Variants in DNAH11 observed in about 807,000 individuals in gnomAD.
The protein encoded by DNAH11 is axonemal beta dynein heavy chain 11.
A neutral mutation model predicts 526.0 loss-of-function variants in DNAH11; 442 were observed. The ratio of observed to expected loss-of-function variants is 0.84; its 90% confidence interval spans 0.78 to 0.91. The LOEUF (loss-of-function observed/expected upper bound fraction) is 0.91, where lower values mean the gene tolerates loss of function less well. DNAH11 is among the 40% of genes least tolerant of loss of function. DNAH11 has a pLI of 0.00. For missense variants in DNAH11, 6,989 were observed against 5,448.7 expected, an observed-to-expected ratio of 1.28 and a Z score of -8.90; for synonymous variants, 2,461 against 1,935.9, an observed-to-expected ratio of 1.27 and a Z score of -7.12.
intron 63 of DNAH11, among the ~76,000 whole-genome samples, chr7:21,814,649 A>G (rs1306847240): frequency 6.6e-6 from 1 of 151,912 alleles, no homozygotes; most frequent in African/African-American, 2.4e-5. Context: ...TTTTAAAATA[A>G]TGTAATTGTA....
intron 52 of DNAH11, 143 bp downstream of exon 52, chr7:21,748,885 G>A (rs956968871): frequency 4.0e-6 from 3 of 752,426 alleles, no homozygotes; most frequent in Non-Finnish European, 5.9e-6. Flanking sequence ...CTTTAAAGCA[G>A]TAATTGACCT....
At chr7:21,809,788 A>T (rs1275572164) in intron 63 of DNAH11, among the ~76,000 whole-genome samples, 1 of 150,776 alleles carries the variant, frequency 6.6e-6, no homozygotes, top group African/African-American at 2.4e-5. Flanking sequence ...CTGGTCTCAA[A>T]CTCCTGACCT....
At chr7:21,713,827 TG>T (rs993808888) in intron 42 of DNAH11, among the ~76,000 whole-genome samples, 3 of 152,340 alleles carry the variant, frequency 2.0e-5, no homozygotes, top group Non-Finnish European at 2.9e-5. Flanking sequence ...GGATATGTTT[TG>T]GGGAAGGAGT....
intron 20 of DNAH11, among the ~76,000 whole-genome samples, chr7:21,608,988 G>C (rs527757385): frequency 6.6e-6 from 1 of 152,164 alleles, no homozygotes; most frequent in East Asian, 1.9e-4. Context: ...TTATTGTTCT[G>C]GGCTGGTATG....
intron 34 of DNAH11, among the ~76,000 whole-genome samples, chr7:21,688,883 A>G (rs74952561): frequency 1.4e-4 from 22 of 152,310 alleles, no homozygotes; most frequent in South Asian, 8.3e-4. Flanking sequence ...TAACATTTTT[A>G]TCAACAGGGC....
At chr7:21,633,125 A>G (rs1254556244) in intron 25 of DNAH11, among the ~76,000 whole-genome samples, 2 of 152,174 alleles carry the variant, frequency 1.3e-5, no homozygotes, top group African/African-American at 4.8e-5. Context: ...TATGGGAAAG[A>G]CCTGCCCCCA....
intron 8 of DNAH11, among the ~76,000 whole-genome samples, chr7:21,574,867 C>CGTTTTTTTTTTTTTTTTT (rs1784025643): frequency 2.3e-5 from 1 of 42,850 alleles, no homozygotes; most frequent in Non-Finnish European, 3.8e-5. Context: ...CTGCACTGGG[C>CGTTTTTTTTTTTTTTTTT]TTTTTTTTTT....
At chr7:21,675,773 G>T (rs1343175294) in intron 30 of DNAH11, among the ~76,000 whole-genome samples, 1 of 152,154 alleles carries the variant, frequency 6.6e-6, no homozygotes, top group Non-Finnish European at 1.5e-5. Context: ...ACAGATGTGG[G>T]CCTTGCTCCT....
chr7:21,572,674 A>G (rs1783940043), intron 8 of DNAH11, among the ~76,000 whole-genome samples: 1 of 152,212 alleles, frequency 6.6e-6, no homozygotes, highest in Non-Finnish European at 1.5e-5. Flanking sequence ...TATTGTTTAT[A>G]TTTGGCCAAA....
At chr7:21,717,952 G>A (rs760747239) in intron 43 of DNAH11, 27 bp downstream of exon 43, 34 of 1,594,404 alleles carry the variant, frequency 2.1e-5, no homozygotes, top group Admixed American at 6.8e-5. Flanking sequence ...GCCATTTAAC[G>A]TTCTAGTTCT....
intron 8 of DNAH11, among the ~76,000 whole-genome samples, chr7:21,578,034 A>C (rs1784167267): frequency 6.6e-6 from 1 of 152,170 alleles, no homozygotes; most frequent in South Asian, 2.1e-4. Context: ...AGGCCTCAGG[A>C]AACTTACAAT....
chr7:21,883,539 A>G (rs1784011075), intron 75 of DNAH11, among the ~76,000 whole-genome samples: 1 of 152,204 alleles, frequency 6.6e-6, no homozygotes, highest in Non-Finnish European at 1.5e-5. Context: ...AAATACTAGG[A>G]TTCTAAATAC....
Position 21,687,124 on chromosome 7 carries a change from C to T in DNAH11, c.5647C>T (p.Leu1883Phe). The change falls in exon 33 of 82, where the codon CTT (leucine) becomes TTT (phenylalanine). Residue 1883 changes from leucine to phenylalanine, a missense_variant. Physicochemically the swap from Leu to Phe is conservative, Grantham distance 22 (BLOSUM62 0). Transcript: ENST00000409508. ...DRCYITLTQS[L>F]HLTMSGAPAG... ...GTGTTATATTACCTTAACTCAATCA[C>T]TTCATCTAACCATGAGTGGGGCTCC... 6.2e-7 allele frequency: 1 copy of T among 1,613,362 alleles called. No homozygotes were observed. The highest frequency in any genetic ancestry group is 1.1e-5 in the South Asian group (1 of 90,920).
intron 28 of DNAH11, among the ~76,000 whole-genome samples, chr7:21,640,049 CTTG>C (rs1433320029): frequency 6.6e-6 from 1 of 152,108 alleles, no homozygotes; most frequent in Non-Finnish European, 1.5e-5. Flanking sequence ...GTTGGCTATT[CTTG>C]TTGTTGATAA....
At chr7:21,848,455 T>C (rs115100901) in intron 66 of DNAH11, among the ~76,000 whole-genome samples, 239 of 152,216 alleles carry the variant, frequency 1.6e-3, no homozygotes, top group African/African-American at 5.6e-3. Flanking sequence ...ATTGTTGCTA[T>C]AATTAGATCA....
chr7:21,733,153 G>A (rs896781844), intron 45 of DNAH11, among the ~76,000 whole-genome samples: 6 of 152,198 alleles, frequency 3.9e-5, no homozygotes, highest in South Asian at 2.1e-4. Flanking sequence ...TTGGGAGGCC[G>A]AGGTGGGTGG....
intron 18 of DNAH11, among the ~76,000 whole-genome samples, chr7:21,604,810 G>T (rs955027078): frequency 3.9e-5 from 6 of 152,164 alleles, no homozygotes; most frequent in African/African-American, 1.4e-4. Context: ...CATGGCCTCC[G>T]AGGGACTCCA....
At chr7:21,863,487 C>G (rs1783153630) in intron 69 of DNAH11, among the ~76,000 whole-genome samples, 1 of 152,040 alleles carries the variant, frequency 6.6e-6, no homozygotes, top group African/African-American at 2.4e-5. Context: ...ACCACCACAC[C>G]CAGCTAATTT....
rs557790276 is a variant in DNAH11, at chr7:21,777,867, A to G, written c.9337-1091A>G. 5.3e-5 allele frequency among the ~76,000 whole-genome samples: 8 copies of G among 152,374 alleles called. No individual in the cohort carries two copies. The South Asian group carries it at 1.7e-3, about 32-fold the overall frequency. ...ATATACTGTGTTGGGTGGAAACTAC[A>G]AGATTACTTGGATATAGTAATGGGG... On this transcript the variant is annotated intron_variant, in intron 56 of 81. Coordinates refer to ENST00000409508, the MANE Select transcript of DNAH11 (RefSeq NM_001277115.2).
Sources: gnomAD v4.1 joint callset for allele counts (sites outside exome capture counted in the v4.1 genomes callset) on GRCh38, gnomAD v4.1.1 for gene constraint, MANE v1.5 for transcripts, NCBI Gene and HGNC (gene_info 2026-07-23, HGNC 2026-07-21) for gene names.